NFAT5: variants seen among roughly 807,000 people sequenced by gnomAD.
The protein encoded by NFAT5 is nuclear factor of activated T cells 5.
A neutral mutation model predicts 166.5 loss-of-function variants in NFAT5; 31 were observed. That is an observed-to-expected ratio of 0.19 (90% CI 0.14 to 0.25). The LOEUF (loss-of-function observed/expected upper bound fraction) is 0.25, where lower values mean the gene tolerates loss of function less well. Among genes scored for constraint, NFAT5 ranks in the 10% least tolerant of loss-of-function variants. The probability of loss-of-function intolerance (pLI) is 1.00; values close to 1 mark genes in which losing one functional copy is unlikely to be tolerated. For missense variants in NFAT5, 1,449 were observed against 1,821.8 expected, an observed-to-expected ratio of 0.80 and a Z score of 3.72; for synonymous variants, 612 against 639.7, an observed-to-expected ratio of 0.96 and a Z score of 0.65.
chr16:69,673,914 A>G (rs2036725702), intron 9 of NFAT5, among the ~76,000 whole-genome samples: 1 of 152,186 alleles, frequency 6.6e-6, no homozygotes, highest in Admixed American at 6.5e-5. Flanking sequence ...TTGCAAACCC[A>G]AAATCAATTC....
At chr16:69,690,803 C>G in intron 11 of NFAT5, 137 bp from the exon 12 acceptor site, 1 of 602,634 alleles carries the variant, frequency 1.7e-6, no homozygotes, top group Non-Finnish European at 2.6e-6. Flanking sequence ...CTTAATATAC[C>G]AGGTTTGTAT....
chr16:69,594,936 G>GGA (rs2032703939), intron 2 of NFAT5, among the ~76,000 whole-genome samples: 1 of 152,108 alleles, frequency 6.6e-6, no homozygotes, highest in African/African-American at 2.4e-5. Context: ...ATCGAGCAAG[G>GGA]GAGAGAGATG....
intron 2 of NFAT5, among the ~76,000 whole-genome samples, chr16:69,588,709 A>G (rs1349583811): frequency 6.6e-6 from 1 of 152,246 alleles, no homozygotes; most frequent in African/African-American, 2.4e-5. Context: ...GAAATTTAGC[A>G]ATCATTTATT....
chr16:69,571,918 C>T (rs11075727), intron 2 of NFAT5, among the ~76,000 whole-genome samples: 39,261 of 151,836 alleles, frequency 0.26, 5,537 homozygotes, highest in East Asian at 0.45. Context: ...TGCCACCACG[C>T]CCGGCTAATT....
At chr16:69,602,393 A>C (rs1402395206) in intron 2 of NFAT5, among the ~76,000 whole-genome samples, 1 of 150,030 alleles carries the variant, frequency 6.7e-6, no homozygotes, top group African/African-American at 2.5e-5. Flanking sequence ...CAGCCTCCCT[A>C]GTAGCTGCGA....
In NFAT5 at chr16:69,650,333, G is replaced by C. The variant is rs1266678137; in HGVS notation, c.812+2747G>C. Among the ~76,000 whole-genome samples, 3 of 151,842 alleles carry C rather than the reference G, an allele frequency of 2.0e-5. No individual in the cohort carries two copies. In the East Asian group the frequency reaches 5.8e-4, roughly 29 times the overall value. ...CCTTAAAAATTAGTAACTTGACTAC[G>C]TTTCTAAGCATTAGTGGATGTTTTC... On this transcript the variant is annotated intron_variant, in intron 4 of 14. Transcript: ENST00000349945.
intron 11 of NFAT5, among the ~76,000 whole-genome samples, chr16:69,687,002 ATCTGATATTT>A (rs955981857): frequency 1.3e-5 from 2 of 152,228 alleles, no homozygotes; most frequent in African/African-American, 4.8e-5. Context: ...AAAAAGATTA[ATCTGATATTT>A]TCATTTATAA....
intron 2 of NFAT5, among the ~76,000 whole-genome samples, chr16:69,594,273 G>C (rs768958159): frequency 6.6e-6 from 1 of 152,150 alleles, no homozygotes; most frequent in Non-Finnish European, 1.5e-5. Context: ...CTACAAATCT[G>C]TACGACATGT....
chr16:69,690,083 G>C (rs1420017656), intron 11 of NFAT5, among the ~76,000 whole-genome samples: 1 of 152,180 alleles, frequency 6.6e-6, no homozygotes, highest in South Asian at 2.1e-4. Context: ...ATTAGCAATA[G>C]CAGTAGGTAC....
At chr16:69,593,634 G>C (rs1471316791) in intron 2 of NFAT5, among the ~76,000 whole-genome samples, 1 of 152,060 alleles carries the variant, frequency 6.6e-6, no homozygotes, top group African/African-American at 2.4e-5. Context: ...TTCTAACAAA[G>C]TAATTTTGAG....
At chr16:69,681,857 G>T (rs1356936140) in intron 10 of NFAT5, among the ~76,000 whole-genome samples, 1 of 151,132 alleles carries the variant, frequency 6.6e-6, no homozygotes, top group Non-Finnish European at 1.5e-5. Flanking sequence ...GGCAGAGCTT[G>T]CAGTAAGCTG....
chr16:69,648,090 C>T (rs1302644871), intron 4 of NFAT5: 6 of 310,118 alleles, frequency 1.9e-5, no homozygotes, highest in Non-Finnish European at 2.8e-5. Flanking sequence ...GCAGGGGAAT[C>T]GCTTGAACCC....
chr16:69,579,316 A>G (rs2031514074), intron 2 of NFAT5, among the ~76,000 whole-genome samples: 1 of 152,152 alleles, frequency 6.6e-6, no homozygotes, highest in South Asian at 2.1e-4. Context: ...GTAATTTTAT[A>G]ATTATTTTTA....
chr16:69,620,465 G>A (rs751591986), intron 2 of NFAT5, among the ~76,000 whole-genome samples: 3 of 152,188 alleles, frequency 2.0e-5, no homozygotes, highest in Non-Finnish European at 4.4e-5. Flanking sequence ...CAGGCATGGT[G>A]GCTCACGCCT....
intron 3 of NFAT5, among the ~76,000 whole-genome samples, chr16:69,643,217 CAAAA>C (rs34260614): frequency 1.1e-5 from 1 of 88,848 alleles, no homozygotes; most frequent in Non-Finnish European, 2.4e-5. Flanking sequence ...GAGTCCCTCT[CAAAA>C]AAAAAAAAAA....
At chr16:69,573,522 A>G (rs998669814) in intron 2 of NFAT5, among the ~76,000 whole-genome samples, 7 of 152,182 alleles carry the variant, frequency 4.6e-5, no homozygotes, top group African/African-American at 1.7e-4. Flanking sequence ...CTGTGGATCC[A>G]TGTCTAGTAA....
Position 69,566,466 on chromosome 16 carries a change from C to T in NFAT5, c.73+92C>T. On this transcript the variant is annotated intron_variant, in intron 1 of 14. Coordinates refer to ENST00000349945, the MANE Select transcript of NFAT5 (RefSeq NM_138713.4). This position sits in a 1 kb window ranked among gnomAD's most constrained non-coding sequence, Gnocchi z 5.7. ...GGGAGGCGAGGGGTCCCCGTCCCGC[C>T]GGGGGCGGCTGAGCCGCGACCCCCA... The T allele has an allele frequency of 6.1e-6, 7 of 1,141,556 alleles. No homozygotes were observed. The highest frequency in any genetic ancestry group is 2.6e-5 in the East Asian group (1 of 38,930). 70.7% of individuals were successfully genotyped at this position (1,141,556 alleles called of 1,614,324 possible).
At chr16:69,610,904 T>G (rs1257931254) in intron 2 of NFAT5, among the ~76,000 whole-genome samples, 4 of 152,320 alleles carry the variant, frequency 2.6e-5, no homozygotes, top group South Asian at 4.1e-4. Flanking sequence ...CAGTTTTGAT[T>G]GGCTATTTAT....
intron 7 of NFAT5, among the ~76,000 whole-genome samples, chr16:69,669,454 A>AGAAT (rs1318241952): frequency 6.6e-6 from 1 of 152,158 alleles, no homozygotes; most frequent in Non-Finnish European, 1.5e-5. Flanking sequence ...CTGAGGCAGG[A>AGAAT]GAATCACTTG....
Sources: gnomAD v4.1 joint callset for allele counts (sites outside exome capture counted in the v4.1 genomes callset) on GRCh38, gnomAD v4.1.1 for gene constraint, Gnocchi (gnomAD v3.1) non-coding constraint, MANE v1.5 for transcripts, NCBI Gene and HGNC (gene_info 2026-07-23, HGNC 2026-07-21) for gene names.